The following DSTN variants were observed in gnomAD, a reference collection of about 807,000 sequenced individuals.
DSTN encodes the protein destrin, actin depolymerizing factor.
Under a neutral mutation model 16.8 loss-of-function variants are expected in DSTN, and 10 were observed. The ratio of observed to expected loss-of-function variants is 0.60; its 90% CI spans 0.37 to 1.01. The LOEUF (loss-of-function observed/expected upper bound fraction) is 1.01. DSTN is among the 50% of genes least tolerant of loss of function. The pLI is 0.01. For missense variants in DSTN, 141 were observed against 196.7 expected, an observed-to-expected ratio of 0.72 and a Z score of 1.69; for synonymous variants, 57 against 58.9, an observed-to-expected ratio of 0.97 and a Z score of 0.14.
intron 1 of DSTN, among the ~76,000 whole-genome samples, chr20:17,579,224 GAAT>G (rs886136471): frequency 1.3e-5 from 2 of 151,976 alleles, no homozygotes; most frequent in Admixed American, 6.6e-5. Flanking sequence ...TTCCAAGTGG[GAAT>G]AATAATAGTA....
At chr20:17,579,298 G>C (rs1432888946) in intron 1 of DSTN, among the ~76,000 whole-genome samples, 1 of 152,222 alleles carries the variant, frequency 6.6e-6, no homozygotes, top group Non-Finnish European at 1.5e-5. Context: ...GCACAGGCCA[G>C]GTGTGGAGGC....
At chr20:17,587,031 T>A (rs916035126) in intron 1 of DSTN, among the ~76,000 whole-genome samples, 1 of 151,182 alleles carries the variant, frequency 6.6e-6, no homozygotes, top group Non-Finnish European at 1.5e-5. Context: ...ATATATATAT[T>A]CAGTATTTGA....
chr20:17,581,810 T>C (rs538631156), intron 1 of DSTN, among the ~76,000 whole-genome samples: 1 of 152,342 alleles, frequency 6.6e-6, no homozygotes, highest in East Asian at 1.9e-4. Context: ...TCAAAAGTTT[T>C]ATAAATCTTT....
At chr20:17,600,456 C>T (rs1301902818) in intron 1 of DSTN, among the ~76,000 whole-genome samples, 1 of 152,074 alleles carries the variant, frequency 6.6e-6, no homozygotes, top group Admixed American at 6.5e-5. Context: ...TAACCCAGCA[C>T]CTTAGGAAAC....
chr20:17,570,615 C>T (rs572514355), intron 1 of DSTN, among the ~76,000 whole-genome samples: 1 of 150,830 alleles, frequency 6.6e-6, no homozygotes, highest in Non-Finnish European at 1.5e-5. Context: ...CGGCCACCGT[C>T]CTTGTTGGCG....
intron 2 of DSTN, among the ~76,000 whole-genome samples, chr20:17,602,219 G>A (rs2122207670): frequency 6.6e-6 from 1 of 152,332 alleles, no homozygotes; most frequent in South Asian, 2.1e-4. Flanking sequence ...GCAGCTTAGA[G>A]TCCATTGAAG....
rs145259723 is a variant in DSTN, at chr20:17,573,201, T to C, written c.3+2990T>C. Reference sequence around the variant, plus strand: ...GATATTCATTGATAGTTCCATACTTTTAGCTACTTAATCATTCATATGTAT... The same window carrying C: ...GATATTCATTGATAGTTCCATACTTCTAGCTACTTAATCATTCATATGTAT... On this transcript the variant is annotated intron_variant, in intron 1 of 3. Coordinates refer to ENST00000246069, the MANE Select transcript of DSTN (RefSeq NM_006870.4). 2.2e-3 allele frequency among the ~76,000 whole-genome samples: 339 copies of C among 152,368 alleles called. 4 individuals are homozygous for C. Among genetic ancestry groups the C allele is most frequent in the African/African-American group, 7.6e-3 (318 of 41,592 alleles).
intron 1 of DSTN, among the ~76,000 whole-genome samples, chr20:17,577,580 C>G (rs541370547): frequency 6.9e-4 from 103 of 148,978 alleles, no homozygotes; most frequent in Non-Finnish European, 1.3e-3. Context: ...AAAAAAAAAT[C>G]TTTAGAGGAA....
intron 1 of DSTN, among the ~76,000 whole-genome samples, chr20:17,574,342 C>A (rs543303817): frequency 4.5e-4 from 69 of 152,302 alleles, no homozygotes; most frequent in Middle Eastern, 3.4e-3. Context: ...ATTCTATCCA[C>A]CTGCCATTTT....
chr20:17,575,446 G>A (rs2035267926), intron 1 of DSTN, among the ~76,000 whole-genome samples: 2 of 151,676 alleles, frequency 1.3e-5, no homozygotes, highest in Admixed American at 6.6e-5. Flanking sequence ...TAATAAATAA[G>A]TAGAATATTG....
chr20:17,600,216 A>G (rs1012096186), intron 1 of DSTN, among the ~76,000 whole-genome samples: 1 of 152,230 alleles, frequency 6.6e-6, no homozygotes, highest in Admixed American at 6.5e-5. Context: ...AAGTGTGACT[A>G]ATACTGAATA....
chr20:17,581,045 A>T (rs2035337663), intron 1 of DSTN, among the ~76,000 whole-genome samples: 1 of 152,180 alleles, frequency 6.6e-6, no homozygotes. Context: ...AAGGTGAGGA[A>T]TTTGAATTTT....
chr20:17,604,487 T>C (rs2035620319), intron 2 of DSTN, 68 bp from the exon 3 acceptor site: 1 of 1,481,904 alleles, frequency 6.7e-7, no homozygotes, highest in East Asian at 2.3e-5. Context: ...CACAAGCAAA[T>C]GTTTAACAAG....
At chr20:17,573,064 A>G (rs1030836831) in intron 1 of DSTN, among the ~76,000 whole-genome samples, 3 of 152,224 alleles carry the variant, frequency 2.0e-5, no homozygotes, top group African/African-American at 4.8e-5. Flanking sequence ...GCAACAGGCC[A>G]GTTCTTTGCA....
In DSTN at chr20:17,607,201, TATAA is replaced by T. The variant is rs559685356; in HGVS notation, c.*61_*64del. Reference sequence around the variant, plus strand: ...CATGTTTAATGTTATCCTCTTGCTATATAAATAAAGCAAATATATTTAGGCCAGG... The same window carrying T: ...CATGTTTAATGTTATCCTCTTGCTATATAAAGCAAATATATTTAGGCCAGG... On this transcript the variant is annotated 3_prime_UTR_variant, in exon 4 of 4. Coordinates refer to ENST00000246069, the MANE Select transcript of DSTN (RefSeq NM_006870.4). 212 of 1,542,916 alleles carry T rather than the reference TATAA, an allele frequency of 1.4e-4. 1 individual carries two copies. The African/African-American group carries it at 2.6e-3, about 19-fold the overall frequency.
chr20:17,597,964 G>A (rs1466591939), intron 1 of DSTN, among the ~76,000 whole-genome samples: 1 of 151,678 alleles, frequency 6.6e-6, no homozygotes, highest in African/African-American at 2.4e-5. Flanking sequence ...TTTTCTGTCT[G>A]GCTTCTTTCA....
intron 1 of DSTN, chr20:17,591,823 C>T: frequency 2.3e-6 from 2 of 888,494 alleles, no homozygotes; most frequent in Non-Finnish European, 2.7e-6. Context: ...TGGATTGTTA[C>T]TCTCATGATT....
At chr20:17,594,544 T>G (rs2035504980) in intron 1 of DSTN, among the ~76,000 whole-genome samples, 1 of 152,210 alleles carries the variant, frequency 6.6e-6, no homozygotes, top group African/African-American at 2.4e-5. Flanking sequence ...GTAGTTTACA[T>G]AACTGGGCCC....
Position 17,573,158 on chromosome 20 carries a change from C to T in DSTN, c.3+2947C>T, listed in dbSNP as rs16999431. Among the ~76,000 whole-genome samples the T allele has an allele frequency of 7.7e-3, 1,167 of 152,352 alleles. 11 individuals are homozygous for T. Among genetic ancestry groups the T allele is most frequent in the African/African-American group, 0.027 (1,118 of 41,580 alleles). ...GAACACAGAGCTCAGGTAAAGTTCA[C>T]AGTAGTCACCTGAAATTGATATTCA... On this transcript the variant is annotated intron_variant, in intron 1 of 3. Coordinates refer to ENST00000246069, the MANE Select transcript of DSTN (RefSeq NM_006870.4).
Sources: allele counts gnomAD v4.1 joint callset (sites outside exome capture counted in the v4.1 genomes callset), GRCh38; gene constraint gnomAD v4.1.1; transcripts MANE v1.5; gene names NCBI Gene and HGNC (gene_info 2026-07-23, HGNC 2026-07-21).